HNRNPM: variants seen among roughly 807,000 people sequenced by gnomAD.
HNRNPM encodes CEA receptor.
HNRNPM carries 11 observed loss-of-function variants against 73.1 expected under a neutral mutation model. The ratio of observed to expected loss-of-function variants is 0.15; its 90% CI spans 0.09 to 0.25. The LOEUF (loss-of-function observed/expected upper bound fraction) is 0.25, where lower values mean the gene tolerates loss of function less well. HNRNPM is among the 10% of genes least tolerant of loss of function. The pLI is 1.00. For missense variants in HNRNPM, 789 were observed against 1,067.9 expected (o/e 0.74, Z 3.64); for synonymous variants, 407 against 355.2 (o/e 1.15, Z -1.64).
chr19:8,447,260 C>T (rs372153552), intron 1 of HNRNPM, among the ~76,000 whole-genome samples: 3 of 142,992 alleles, frequency 2.1e-5, no homozygotes, highest in Admixed American at 7.0e-5. Flanking sequence ...CTGTGGAAAA[C>T]TTTTTTTTTT....
At chr19:8,446,353 G>T (rs923733468) in intron 1 of HNRNPM, among the ~76,000 whole-genome samples, 3 of 152,120 alleles carry the variant, frequency 2.0e-5, no homozygotes, top group African/African-American at 7.2e-5. Flanking sequence ...TCCTCATATT[G>T]TAATGTGTGA....
At chr19:8,481,749 G>A (rs1440950607) in intron 12 of HNRNPM, among the ~76,000 whole-genome samples, 1 of 152,136 alleles carries the variant, frequency 6.6e-6, no homozygotes, top group African/African-American at 2.4e-5. Context: ...AAAGTAAGAC[G>A]TGTTGGACAA....
At chr19:8,463,221 C>T (rs895152530) in intron 3 of HNRNPM, among the ~76,000 whole-genome samples, 1 of 152,090 alleles carries the variant, frequency 6.6e-6, no homozygotes, top group African/African-American at 2.4e-5. Context: ...TTCTTGGAGA[C>T]CCTGAATTTA....
intron 15 of HNRNPM, 87 bp from the exon 16 acceptor site, chr19:8,488,604 C>CTT: frequency 8.1e-7 from 1 of 1,242,168 alleles, no homozygotes; most frequent in Non-Finnish European, 1.1e-6. Flanking sequence ...GTGCTCTAGG[C>CTT]TTCAGGGCCT....
chr19:8,483,080 C>G, intron 12 of HNRNPM, 78 bp from the exon 13 acceptor site: 1 of 883,634 alleles, frequency 1.1e-6, no homozygotes, highest in Non-Finnish European at 1.9e-6. Flanking sequence ...AGTATTTCTA[C>G]TCTGGAATCT....
intron 2 of HNRNPM, among the ~76,000 whole-genome samples, chr19:8,459,947 A>C (rs973774804): frequency 6.6e-6 from 1 of 152,226 alleles, no homozygotes; most frequent in Non-Finnish European, 1.5e-5. Flanking sequence ...TTTAAGCTGC[A>C]GTAGAATTTG....
chr19:8,475,146 G>A (rs143235688), intron 12 of HNRNPM, among the ~76,000 whole-genome samples: 1 of 152,364 alleles, frequency 6.6e-6, no homozygotes, highest in East Asian at 1.9e-4. Flanking sequence ...CACAGAGAGT[G>A]ACATGCCTAG....
chr19:8,470,412 C>T (rs1009625770), intron 9 of HNRNPM, among the ~76,000 whole-genome samples: 2 of 152,186 alleles, frequency 1.3e-5, no homozygotes, highest in African/African-American at 2.4e-5. Flanking sequence ...GCTGCAACCT[C>T]CATTTCCTGG....
chr19:8,465,304 A>G lies in HNRNPM; in HGVS notation c.439-20A>G, dbSNP rs542634471. The G allele has an allele frequency of 6.9e-6, 11 of 1,586,834 alleles. No individual in the cohort carries two copies. Among genetic ancestry groups the G allele is most frequent in the East Asian group, 2.3e-5 (1 of 44,342 alleles). On this transcript the variant is annotated intron_variant, in intron 5 of 15. Coordinates refer to ENST00000325495, the MANE Select transcript of HNRNPM (RefSeq NM_005968.5). ...TTGTACTGGGTCAGTTAAACGTAAC[A>G]CCTTTTGTGCTTGTTTTAGGATCCT...
At chr19:8,472,590 T>C (rs1033702063) in intron 10 of HNRNPM, among the ~76,000 whole-genome samples, 2 of 152,202 alleles carry the variant, frequency 1.3e-5, no homozygotes, top group African/African-American at 4.8e-5. Context: ...CAGGGATTGA[T>C]TTATTGAGAC....
chr19:8,480,649 T>C (rs181369860), intron 12 of HNRNPM, among the ~76,000 whole-genome samples: 2 of 149,868 alleles, frequency 1.3e-5, no homozygotes, highest in Non-Finnish European at 3.0e-5. Flanking sequence ...GGCGACAGAG[T>C]GAGACTCTGT....
chr19:8,459,059 C>T (rs1025308136), intron 2 of HNRNPM, among the ~76,000 whole-genome samples: 5 of 152,116 alleles, frequency 3.3e-5, no homozygotes, highest in Non-Finnish European at 7.4e-5. Context: ...TCCCAAGTAG[C>T]CGGGATTAGG....
chr19:8,479,255 A>G (rs1970738641), intron 12 of HNRNPM, among the ~76,000 whole-genome samples: 1 of 151,026 alleles, frequency 6.6e-6, no homozygotes, highest in Non-Finnish European at 1.5e-5. Context: ...ATTTTCTTGT[A>G]TTTTTAATGA....
At position 8,462,395 on chromosome 19, in the gene HNRNPM, A is replaced by C; in HGVS notation, c.284-134A>C. On this transcript the variant is annotated intron_variant, in intron 2 of 15. Coordinates refer to ENST00000325495, the MANE Select transcript of HNRNPM (RefSeq NM_005968.5). This position sits in a 1 kb window ranked among gnomAD's most constrained non-coding sequence, Gnocchi z 4.5. Reference sequence around the variant, plus strand: ...TGTAATGCCTAGTTCGGTGGTTTAGAGAATATGGAGTGTTTCTGGGCTTTC... The same window carrying C: ...TGTAATGCCTAGTTCGGTGGTTTAGCGAATATGGAGTGTTTCTGGGCTTTC... 2 of 757,006 alleles carry C rather than the reference A, an allele frequency of 2.6e-6. No individual in the cohort carries two copies. Among genetic ancestry groups the C allele is most frequent in the South Asian group, 3.0e-5 (2 of 65,848 alleles). The allele number at this position is 757,006 out of a possible 1,614,324, so 46.9% of individuals were successfully genotyped here. A position where few individuals can be genotyped will look rare whatever the true frequency, so the allele number is the denominator to read the frequency against.
chr19:8,475,909 T>C lies in HNRNPM; in HGVS notation c.1120+1665T>C, dbSNP rs1345894333. 8.0e-3 allele frequency among the ~76,000 whole-genome samples: 686 copies of C among 86,086 alleles called. 4 individuals are homozygous for C. Among genetic ancestry groups the C allele is most frequent in the Non-Finnish European group, 0.011 (420 of 37,690 alleles). The allele number at this position is 86,086 out of a possible 152,430, so 56.5% of individuals were successfully genotyped here. ...ACTGCGAAACCCCATCTCTCTCTTT[T>C]TTTTTTTTTTTTTTTTTTTTAAGAA... On this transcript the variant is annotated intron_variant, in intron 12 of 15. Transcript: ENST00000325495.
Position 8,471,095 on chromosome 19 carries a change from C to T in HNRNPM, c.896-231C>T, listed in dbSNP as rs1407212954. On this transcript the variant is annotated intron_variant, in intron 9 of 15. Coordinates refer to ENST00000325495, the MANE Select transcript of HNRNPM (RefSeq NM_005968.5). ...TTAGTGTGGGGGTTGTTAACTTTCC[C>T]GTGTTGGTTTTCAGCCGCCTTTGTT... is the stretch of plus-strand genomic sequence containing the variant. 4.6e-5 allele frequency among the ~76,000 whole-genome samples: 7 copies of T among 151,246 alleles called. No individual in the cohort carries two copies. The South Asian group carries it at 1.0e-3, about 23-fold the overall frequency.
At chr19:8,460,469 G>C (rs1259522892) in intron 2 of HNRNPM, among the ~76,000 whole-genome samples, 2 of 152,186 alleles carry the variant, frequency 1.3e-5, no homozygotes, top group Admixed American at 1.3e-4. Flanking sequence ...ACCACTTGAG[G>C]TAAAAAGAGG....
At position 8,485,755 on chromosome 19, in the gene HNRNPM, C is replaced by A. The variant is rs763841893; in HGVS notation, c.1327C>A (p.Arg443Ser). The change falls in exon 14 of 16, where the codon CGC (arginine) becomes AGC (serine). Residue 443 changes from arginine to serine, a missense_variant. Transcript: ENST00000325495. ...CGAGCGCATGGGCCTGGTCATGGAC[C>A]GCATGGGCTCCGTGGAGCGCATGGG... ...EIERMGLVMDRMGSVERMGSG... is the reference protein window; with the variant it reads ...EIERMGLVMDSMGSVERMGSG... 2 of 1,604,206 alleles carry A rather than the reference C, an allele frequency of 1.2e-6. No individual in the cohort carries two copies. The highest frequency in any genetic ancestry group is 1.7e-6 in the Non-Finnish European group (2 of 1,178,886).
intron 11 of HNRNPM, 54 bp downstream of exon 11, chr19:8,473,762 C>G: frequency 9.4e-7 from 1 of 1,065,450 alleles, no homozygotes; most frequent in East Asian, 2.4e-5. Context: ...ATAGTTTTCT[C>G]TCTTTCCTCT....
Sources: allele counts gnomAD v4.1 joint callset (sites outside exome capture counted in the v4.1 genomes callset), GRCh38; gene constraint gnomAD v4.1.1; non-coding constraint Gnocchi (gnomAD v3.1); transcripts MANE v1.5; gene names NCBI Gene and HGNC (gene_info 2026-07-23, HGNC 2026-07-21).